SORCS1: variants seen among roughly 807,000 people sequenced by gnomAD.
SORCS1 encodes sortilin related VPS10 domain containing receptor 1, also known as VPS10 domain-containing receptor SorCS1.
SORCS1 carries 60 observed loss-of-function variants against 146.1 expected under a neutral mutation model. The ratio of observed to expected loss-of-function variants is 0.41; its 90% confidence interval spans 0.33 to 0.51. The LOEUF (loss-of-function observed/expected upper bound fraction) is 0.51. Among genes scored for constraint, SORCS1 ranks in the 20% least tolerant of loss-of-function variants. The probability of loss-of-function intolerance (pLI) is 0.21; values close to 1 mark genes in which losing one functional copy is unlikely to be tolerated. For missense variants in SORCS1, 1,352 were observed against 1,487.6 expected (o/e 0.91, Z 1.50); for synonymous variants, 637 against 584.0 (o/e 1.09, Z -1.31).
chr10:107,160,793 G>A (rs1257848006), intron 1 of SORCS1, among the ~76,000 whole-genome samples: 1 of 152,144 alleles, frequency 6.6e-6, no homozygotes, highest in African/African-American at 2.4e-5. Context: ...TAATGCTACA[G>A]CACTTTAAAA....
intron 2 of SORCS1, among the ~76,000 whole-genome samples, chr10:106,888,964 A>G (rs958276146): frequency 6.6e-6 from 1 of 152,352 alleles, no homozygotes; most frequent in South Asian, 2.1e-4. Context: ...TATGTGACAC[A>G]AAAAACTACT....
chr10:106,838,216 A>G (rs1948864099), intron 2 of SORCS1, among the ~76,000 whole-genome samples: 2 of 152,218 alleles, frequency 1.3e-5, no homozygotes, highest in African/African-American at 2.4e-5. Flanking sequence ...AGCCGTGTGG[A>G]AAGAAGGGAC....
intron 8 of SORCS1, among the ~76,000 whole-genome samples, chr10:106,704,682 T>C (rs1420307723): frequency 6.6e-6 from 1 of 152,146 alleles, no homozygotes; most frequent in Non-Finnish European, 1.5e-5. Context: ...AGAGCGAGAT[T>C]GTGTCTCAAA....
intron 1 of SORCS1, among the ~76,000 whole-genome samples, chr10:107,119,537 T>C (rs575728858): frequency 1.8e-4 from 28 of 152,222 alleles, no homozygotes; most frequent in Non-Finnish European, 3.8e-4. Flanking sequence ...TTGATTTTTG[T>C]TTTATTAGGA....
chr10:106,589,825 TG>T, intron 24 of SORCS1, among the ~76,000 whole-genome samples: 1 of 151,932 alleles, frequency 6.6e-6, no homozygotes, highest in East Asian at 1.9e-4. Context: ...AAAATAGAAA[TG>T]ATAATGGAGT....
At chr10:106,579,083 T>C (rs1844738821) in intron 25 of SORCS1, 1 of 1,613,580 alleles carries the variant, frequency 6.2e-7, no homozygotes, top group East Asian at 2.2e-5. Context: ...CTACTGGGAA[T>C]CATTTACCTA....
At chr10:106,680,457 G>A (rs1168790695) in intron 10 of SORCS1, among the ~76,000 whole-genome samples, 1 of 152,154 alleles carries the variant, frequency 6.6e-6, no homozygotes, top group Non-Finnish European at 1.5e-5. Flanking sequence ...ATACCCGCCA[G>A]ACAACTGACC....
intron 17 of SORCS1, among the ~76,000 whole-genome samples, chr10:106,659,567 C>T (rs564779874): frequency 3.9e-5 from 6 of 152,252 alleles, no homozygotes; most frequent in African/African-American, 1.4e-4. Flanking sequence ...AATGTTAAAG[C>T]TTGAAGGGGT....
At chr10:107,065,447 C>T (rs200438970) in intron 1 of SORCS1, among the ~76,000 whole-genome samples, 3 of 122,756 alleles carry the variant, frequency 2.4e-5, no homozygotes, top group Non-Finnish European at 3.6e-5. Context: ...TTCTTTCTTT[C>T]TTTTCTCTCT....
chr10:106,942,366 C>A (rs1954087158), intron 2 of SORCS1, among the ~76,000 whole-genome samples: 1 of 152,148 alleles, frequency 6.6e-6, no homozygotes, highest in South Asian at 2.1e-4. Context: ...CCTCAGTTCC[C>A]CAACCTCTTG....
At chr10:107,040,193 G>C (rs58866253) in intron 1 of SORCS1, among the ~76,000 whole-genome samples, 9,078 of 152,146 alleles carry the variant, frequency 0.06, 846 homozygotes, top group African/African-American at 0.2. Context: ...TGACTCCATA[G>C]AGTAACACCC....
At chr10:106,730,631 G>A (rs10884344) in intron 5 of SORCS1, among the ~76,000 whole-genome samples, 64,311 of 151,922 alleles carry the variant, frequency 0.42, 13,648 homozygotes, top group South Asian at 0.46. Context: ...TGTCGAACCC[G>A]TGTGAAGAGA....
At chr10:106,795,446 G>GT (rs1946511179) in intron 3 of SORCS1, among the ~76,000 whole-genome samples, 1 of 152,112 alleles carries the variant, frequency 6.6e-6, no homozygotes, top group South Asian at 2.1e-4. Flanking sequence ...TAGAATTTCT[G>GT]TAAGGTTTAG....
At chr10:107,006,771 T>C (rs574235539) in intron 1 of SORCS1, among the ~76,000 whole-genome samples, 1 of 152,310 alleles carries the variant, frequency 6.6e-6, no homozygotes, top group African/African-American at 2.4e-5. Context: ...GAGCCGAGAT[T>C]GTGCCACTGC....
intron 3 of SORCS1, among the ~76,000 whole-genome samples, chr10:106,794,326 T>C (rs1946442121): frequency 6.6e-6 from 1 of 152,084 alleles, no homozygotes; most frequent in Non-Finnish European, 1.5e-5. Context: ...GCATTTCTTA[T>C]TGATGTAAGG....
chr10:106,732,859 G>A (rs542600153), intron 5 of SORCS1, among the ~76,000 whole-genome samples: 1 of 152,218 alleles, frequency 6.6e-6, no homozygotes, highest in South Asian at 2.1e-4. Flanking sequence ...AGTGGCTCAC[G>A]CCTGTAATCC....
intron 1 of SORCS1, among the ~76,000 whole-genome samples, chr10:107,109,707 G>A (rs771514976): frequency 2.0e-5 from 3 of 152,272 alleles, no homozygotes; most frequent in African/African-American, 4.8e-5. Context: ...CGGTTGCTAC[G>A]TAGCCTGCTT....
At chr10:106,936,398 G>T (rs1388655915) in intron 2 of SORCS1, among the ~76,000 whole-genome samples, 1 of 152,164 alleles carries the variant, frequency 6.6e-6, no homozygotes, top group African/African-American at 2.4e-5. Flanking sequence ...ACATAGATTT[G>T]GTTAGACAAT....
intron 10 of SORCS1, among the ~76,000 whole-genome samples, chr10:106,685,793 A>G (rs188008904): frequency 8.5e-5 from 13 of 152,308 alleles, no homozygotes; most frequent in Admixed American, 8.5e-4. Context: ...TTCTACATGT[A>G]TTAGAAGCCA....
Sources: gnomAD v4.1 joint callset for allele counts (sites outside exome capture counted in the v4.1 genomes callset) on GRCh38, gnomAD v4.1.1 for gene constraint, MANE v1.5 for transcripts, NCBI Gene and HGNC (gene_info 2026-07-23, HGNC 2026-07-21) for gene names.